Variants in NALCN observed in about 807,000 individuals in gnomAD.
NALCN encodes sodium leak channel NALCN.
NALCN carries 111 observed loss-of-function variants against 225.3 expected under a neutral mutation model. The ratio of observed to expected loss-of-function variants is 0.49; its 90% CI spans 0.42 to 0.58. NALCN has a LOEUF of 0.58. Ranked by LOEUF, NALCN falls within the 20% of genes least tolerant of loss-of-function variation. NALCN has a pLI of 0.00. For synonymous variants in NALCN, 764 were observed against 769.0 expected, an observed-to-expected ratio of 0.99 and a Z score of 0.11; for missense variants, 1,378 against 2,202.4, an observed-to-expected ratio of 0.63 and a Z score of 7.49.
At chr13:101,108,301 T>C (rs1034524884) in intron 20 of NALCN, among the ~76,000 whole-genome samples, 4 of 152,138 alleles carry the variant, frequency 2.6e-5, no homozygotes, top group Non-Finnish European at 4.4e-5. Flanking sequence ...CACATATTGA[T>C]TGAAATCCTA....
intron 1 of NALCN, among the ~76,000 whole-genome samples, chr13:101,401,390 A>T (rs1594787752): frequency 6.6e-6 from 1 of 152,182 alleles, no homozygotes; most frequent in East Asian, 1.9e-4. Context: ...CCAAATACTG[A>T]GTGTAGATAC....
intron 14 of NALCN, chr13:101,181,030 G>C (rs1364544916): frequency 2.0e-6 from 1 of 506,974 alleles, no homozygotes; most frequent in Non-Finnish European, 4.0e-6. Context: ...GTACCATTTT[G>C]AAGCATTTAG....
chr13:101,406,263 C>T (rs1264903803), intron 1 of NALCN, among the ~76,000 whole-genome samples: 1 of 151,910 alleles, frequency 6.6e-6, no homozygotes, highest in Non-Finnish European at 1.5e-5. Context: ...GAAGTAGAGG[C>T]TGCAATGAGC....
intron 27 of NALCN, among the ~76,000 whole-genome samples, chr13:101,099,289 G>A (rs1464844584): frequency 2.6e-5 from 4 of 152,012 alleles, no homozygotes; most frequent in African/African-American, 9.7e-5. Context: ...GTGTATCAAA[G>A]CTCTTGGAAT....
chr13:101,288,921 C>A (rs2043441892), intron 9 of NALCN, among the ~76,000 whole-genome samples: 2 of 152,090 alleles, frequency 1.3e-5, no homozygotes, highest in South Asian at 4.2e-4. Flanking sequence ...ATCAGAGGAC[C>A]ATGGGGCTCA....
At chr13:101,409,723 A>G (rs2047724971) in intron 1 of NALCN, among the ~76,000 whole-genome samples, 1 of 152,240 alleles carries the variant, frequency 6.6e-6, no homozygotes, top group Non-Finnish European at 1.5e-5. Flanking sequence ...CAGAAGATCA[A>G]AGGGAGATTA....
At chr13:101,334,183 T>C (rs1186086131) in intron 7 of NALCN, among the ~76,000 whole-genome samples, 1 of 144,728 alleles carries the variant, frequency 6.9e-6, no homozygotes, top group Non-Finnish European at 1.5e-5. Flanking sequence ...CACGCACGTG[T>C]GCACACACAC....
intron 6 of NALCN, among the ~76,000 whole-genome samples, chr13:101,371,378 A>T (rs1007002896): frequency 1.3e-5 from 2 of 152,086 alleles, no homozygotes; most frequent in Non-Finnish European, 2.9e-5. Context: ...GAGTGCAGTG[A>T]CGCAATCATA....
chr13:101,064,539 A>C (rs1329803444), intron 40 of NALCN, among the ~76,000 whole-genome samples: 1 of 150,464 alleles, frequency 6.6e-6, no homozygotes, highest in East Asian at 2.0e-4. Context: ...TTCTTATAAA[A>C]GGAGGAATTT....
chr13:101,305,834 C>T (rs894891651), intron 7 of NALCN, among the ~76,000 whole-genome samples: 3 of 152,154 alleles, frequency 2.0e-5, no homozygotes, highest in East Asian at 3.9e-4. Context: ...TGTTGGTCAC[C>T]ACCATATTCC....
At chr13:101,191,844 A>G in intron 14 of NALCN, 73 bp downstream of exon 14, 1 of 1,496,478 alleles carries the variant, frequency 6.7e-7, no homozygotes, top group African/African-American at 1.4e-5. Flanking sequence ...AATTGACAAT[A>G]GGCCAAATAT....
chr13:101,288,384 T>C (rs894166239), intron 9 of NALCN, among the ~76,000 whole-genome samples: 7 of 152,262 alleles, frequency 4.6e-5, no homozygotes, highest in African/African-American at 1.7e-4. Context: ...TATATGTAGC[T>C]TTCTTTTTGG....
At chr13:101,401,003 C>T (rs1245984335) in intron 1 of NALCN, among the ~76,000 whole-genome samples, 1 of 152,164 alleles carries the variant, frequency 6.6e-6, no homozygotes, top group Non-Finnish European at 1.5e-5. Flanking sequence ...GAGGCCTCCC[C>T]AGCCATGCAG....
chr13:101,188,558 A>G (rs953438509), intron 14 of NALCN, among the ~76,000 whole-genome samples: 2 of 151,800 alleles, frequency 1.3e-5, no homozygotes, highest in Non-Finnish European at 2.9e-5. Flanking sequence ...ATATGTATAC[A>G]TATATATACA....
intron 6 of NALCN, among the ~76,000 whole-genome samples, chr13:101,366,831 T>C (rs2046388767): frequency 6.6e-6 from 1 of 152,184 alleles, no homozygotes; most frequent in Admixed American, 6.5e-5. Flanking sequence ...GCATTATTAT[T>C]GACCATTGTC....
At chr13:101,169,104 T>C (rs2038593771) in intron 15 of NALCN, among the ~76,000 whole-genome samples, 1 of 152,140 alleles carries the variant, frequency 6.6e-6, no homozygotes, top group Admixed American at 6.6e-5. Flanking sequence ...AAACTGCCTG[T>C]TTACTTGTCT....
chr13:101,325,192 G>A (rs189017617), intron 7 of NALCN, among the ~76,000 whole-genome samples: 1 of 152,076 alleles, frequency 6.6e-6, no homozygotes, highest in African/African-American at 2.4e-5. Context: ...TAACAAATGG[G>A]CTGACTTTAT....
At chr13:101,337,309 TTTATTTATTTA>T (rs1244936537) in intron 7 of NALCN, among the ~76,000 whole-genome samples, 7 of 150,522 alleles carry the variant, frequency 4.7e-5, no homozygotes, top group African/African-American at 1.5e-4. Context: ...TATTTATTTA[TTTATTTATTTA>T]TTTTTTGAGA....
intron 11 of NALCN, among the ~76,000 whole-genome samples, chr13:101,244,720 T>A (rs1406633391): frequency 6.6e-6 from 1 of 152,188 alleles, no homozygotes; most frequent in African/African-American, 2.4e-5. Flanking sequence ...AGAAGGTGAT[T>A]AGGAAAATCA....
Sources: allele counts gnomAD v4.1 joint callset (sites outside exome capture counted in the v4.1 genomes callset), GRCh38; gene constraint gnomAD v4.1.1; transcripts MANE v1.5; gene names NCBI Gene and HGNC (gene_info 2026-07-23, HGNC 2026-07-21).